The following SMAD3 variants were observed in gnomAD, a reference collection of about 807,000 sequenced individuals.
The protein encoded by SMAD3 is SMAD family member 3.
In SMAD3, 12 loss-of-function variants were observed where a neutral mutation model predicts 51.8. The observed-to-expected ratio is 0.23, with a 90% CI of 0.15 to 0.38. The LOEUF is 0.38. SMAD3 is among the 10% of genes least tolerant of loss of function. SMAD3 has a pLI of 1.00. For missense variants in SMAD3, 294 were observed against 565.6 expected (o/e 0.52, Z 4.87); for synonymous variants, 238 against 227.7 (o/e 1.05, Z -0.41).
At chr15:67,140,956 C>A (rs1961802952) in intron 1 of SMAD3, among the ~76,000 whole-genome samples, 1 of 152,010 alleles carries the variant, frequency 6.6e-6, no homozygotes, top group African/African-American at 2.4e-5. Flanking sequence ...CAAGAGAAGC[C>A]AAAAATCAAG....
intron 3 of SMAD3, chr15:67,166,204 T>C: frequency 9.8e-7 from 1 of 1,017,500 alleles, no homozygotes; most frequent in Non-Finnish European, 1.2e-6. Flanking sequence ...GTAAGTCAAC[T>C]ACTCCCTGTT....
chr15:67,142,357 C>T (rs1961853705), intron 1 of SMAD3, among the ~76,000 whole-genome samples: 1 of 152,154 alleles, frequency 6.6e-6, no homozygotes, highest in Admixed American at 6.5e-5. Context: ...TAGAAACACT[C>T]AACCCCGGGG....
chr15:67,136,749 A>G lies in SMAD3; in HGVS notation c.207-28146A>G, dbSNP rs1961673738. Among the ~76,000 whole-genome samples, 3 of 152,336 alleles carry G rather than the reference A, an allele frequency of 2.0e-5. No individual in the cohort carries two copies. In the South Asian group the frequency reaches 6.2e-4, roughly 32 times the overall value. On this transcript the variant is annotated intron_variant, in intron 1 of 8. Coordinates refer to ENST00000327367, the MANE Select transcript of SMAD3 (RefSeq NM_005902.4). ...AAAATTTAGAACACATGGAGAAGTA[A>G]AGAGTGAAATTGCTGACTGCCCTAT...
At chr15:67,089,812 G>A (rs981754400) in intron 1 of SMAD3, among the ~76,000 whole-genome samples, 1 of 152,216 alleles carries the variant, frequency 6.6e-6, no homozygotes, top group Non-Finnish European at 1.5e-5. Flanking sequence ...ATGAGCAGGC[G>A]CAGACTTGGA....
intron 1 of SMAD3, among the ~76,000 whole-genome samples, chr15:67,074,465 G>A (rs1289863433): frequency 6.6e-6 from 1 of 152,242 alleles, no homozygotes; most frequent in Non-Finnish European, 1.5e-5. Context: ...AAGAAAGGCT[G>A]CACTTGATTG....
intron 1 of SMAD3, among the ~76,000 whole-genome samples, chr15:67,095,568 T>C (rs1383655208): frequency 6.6e-6 from 1 of 151,990 alleles, no homozygotes; most frequent in Non-Finnish European, 1.5e-5. Flanking sequence ...TTTTTGTTAT[T>C]GTTGCCCAAG....
intron 1 of SMAD3, among the ~76,000 whole-genome samples, chr15:67,080,843 C>T (rs770822580): frequency 6.6e-6 from 1 of 152,228 alleles, no homozygotes; most frequent in Non-Finnish European, 1.5e-5. Context: ...CTGTTTCACT[C>T]CTGCTTTGGG....
chr15:67,143,445 T>C (rs964146694), intron 1 of SMAD3, among the ~76,000 whole-genome samples: 2 of 152,186 alleles, frequency 1.3e-5, no homozygotes, highest in Non-Finnish European at 2.9e-5. Context: ...TTTAGAGTTG[T>C]TTGTTTGGAG....
intron 1 of SMAD3, among the ~76,000 whole-genome samples, chr15:67,147,538 G>A (rs1595928920): frequency 6.6e-6 from 1 of 152,122 alleles, no homozygotes; most frequent in Admixed American, 6.5e-5. Flanking sequence ...ACGTGTTCAG[G>A]GGGAAAAGAA....
intron 4 of SMAD3, among the ~76,000 whole-genome samples, chr15:67,167,926 G>T (rs372378646): frequency 6.6e-6 from 1 of 152,120 alleles, no homozygotes; most frequent in Non-Finnish European, 1.5e-5. Flanking sequence ...ACCTGCCCTC[G>T]CACACAGCCC....
chr15:67,145,082 C>T (rs529639464), intron 1 of SMAD3, among the ~76,000 whole-genome samples: 1 of 152,252 alleles, frequency 6.6e-6, no homozygotes, highest in Admixed American at 6.5e-5. Context: ...ACCCTCTTTT[C>T]CATATCCATT....
chr15:67,141,846 C>T (rs1019214972), intron 1 of SMAD3, among the ~76,000 whole-genome samples: 4 of 152,098 alleles, frequency 2.6e-5, no homozygotes, highest in African/African-American at 9.7e-5. Context: ...TTGAGTGCCC[C>T]AGAAAAGCCG....
intron 1 of SMAD3, among the ~76,000 whole-genome samples, chr15:67,074,647 AGTATT>A (rs1357380838): frequency 2.4e-4 from 37 of 152,260 alleles, no homozygotes; most frequent in African/African-American, 8.2e-4. Flanking sequence ...TTAGGACTCC[AGTATT>A]GTATTGTATT....
chr15:67,148,675 A>G (rs1962043557), intron 1 of SMAD3, among the ~76,000 whole-genome samples: 1 of 152,176 alleles, frequency 6.6e-6, no homozygotes, highest in African/African-American at 2.4e-5. Flanking sequence ...TATTGGGCCC[A>G]TGGCAGTAAT....
chr15:67,158,857 C>A (rs940551755), intron 1 of SMAD3, among the ~76,000 whole-genome samples: 28 of 152,156 alleles, frequency 1.8e-4, no homozygotes, highest in African/African-American at 6.8e-4. Flanking sequence ...GAGGACCTAC[C>A]GTGTTCCTTA....
intron 1 of SMAD3, among the ~76,000 whole-genome samples, chr15:67,102,832 C>T (rs758417754): frequency 1.3e-5 from 2 of 152,118 alleles, no homozygotes; most frequent in Non-Finnish European, 2.9e-5. Context: ...TGTGCAGCCC[C>T]TCTGCTCCTC....
chr15:67,113,094 A>ATATATATATATATATT (rs3985646), intron 1 of SMAD3, among the ~76,000 whole-genome samples: 1 of 112,562 alleles, frequency 8.9e-6, no homozygotes, highest in Admixed American at 1.1e-4. Flanking sequence ...ATATATATAT[A>ATATATATATATATATT]TTTTTTTGAG....
rs983845243 is a variant in SMAD3 at position 67,169,747 on chromosome 15, G to A, written c.608-807G>A. Reference sequence around the variant, plus strand: ...CAAAGTGCTGGGATTACAGATGTGAGCCATTGCACCCGGCCTCCGCAGCCT... The same window carrying A: ...CAAAGTGCTGGGATTACAGATGTGAACCATTGCACCCGGCCTCCGCAGCCT... On this transcript the variant is annotated intron_variant, in intron 4 of 8. Coordinates refer to ENST00000327367, the MANE Select transcript of SMAD3 (RefSeq NM_005902.4). Among the ~76,000 whole-genome samples the A allele has an allele frequency of 5.9e-5, 9 of 151,968 alleles. No homozygotes were observed. In the East Asian group the frequency reaches 1.7e-3, roughly 29 times the overall value.
rs72743467 is a variant in SMAD3, at chr15:67,159,072, A to G, written c.207-5823A>G. On this transcript the variant is annotated intron_variant, in intron 1 of 8. Coordinates refer to ENST00000327367, the MANE Select transcript of SMAD3 (RefSeq NM_005902.4). ...ATTTTTTTAATCCCTCTGGGGGAAAAGAATTTTTTTTTTTTTGAGACAGAT... is the reference window on the plus strand; with the variant it reads ...ATTTTTTTAATCCCTCTGGGGGAAAGGAATTTTTTTTTTTTTGAGACAGAT... Among the ~76,000 whole-genome samples the G allele has an allele frequency of 2.4e-3, 363 of 151,856 alleles. 1 individual carries two copies. Among genetic ancestry groups the G allele is most frequent in the African/African-American group, 7.9e-3 (329 of 41,408 alleles).
Sources: gnomAD v4.1 joint callset for allele counts (sites outside exome capture counted in the v4.1 genomes callset) on GRCh38, gnomAD v4.1.1 for gene constraint, MANE v1.5 for transcripts, NCBI Gene and HGNC (gene_info 2026-07-23, HGNC 2026-07-21) for gene names.